DPP10: variants seen among roughly 807,000 people sequenced by gnomAD.
DPP10 encodes the protein inactive dipeptidyl peptidase 10.
DPP10 carries 33 observed loss-of-function variants against 120.9 expected under a neutral mutation model. The ratio of observed to expected loss-of-function variants is 0.27; its 90% CI spans 0.21 to 0.37. The LOEUF is 0.37. DPP10 is among the 10% of genes least tolerant of loss of function. DPP10 has a pLI of 1.00. For synonymous variants in DPP10, 337 were observed against 326.1 expected (o/e 1.03, Z -0.36); for missense variants, 816 against 942.8 (o/e 0.87, Z 1.76).
intron 1 of DPP10, among the ~76,000 whole-genome samples, chr2:114,876,350 T>A (rs1439607318): frequency 1.3e-5 from 2 of 152,106 alleles, no homozygotes; most frequent in Non-Finnish European, 2.9e-5. Context: ...CCATTCACAA[T>A]TTTTCCCATA....
intron 1 of DPP10, among the ~76,000 whole-genome samples, chr2:114,996,023 T>C (rs1157453922): frequency 6.6e-6 from 1 of 152,188 alleles, no homozygotes; most frequent in Non-Finnish European, 1.5e-5. Flanking sequence ...TTTGAGAAGA[T>C]TGCTCTGGCC....
rs1381632245 is a variant in DPP10 at position 114,746,228 on chromosome 2, C to T, written c.60+303390C>T. Among the ~76,000 whole-genome samples, 10 of 152,234 alleles carry T rather than the reference C, an allele frequency of 6.6e-5. 1 individual carries two copies. Among genetic ancestry groups the T allele is most frequent in the Admixed American group, 2.6e-4 (4 of 15,288 alleles). ...ATTCCCTCTTGTTTCAATCCTTACC[C>T]AAATGTCTTTTGAAATGCCAATAGA... On this transcript the variant is annotated intron_variant, in intron 1 of 25. Coordinates refer to ENST00000410059, the MANE Select transcript of DPP10 (RefSeq NM_020868.6).
At chr2:115,737,429 A>G (rs554727077) in intron 8 of DPP10, among the ~76,000 whole-genome samples, 88 of 152,278 alleles carry the variant, frequency 5.8e-4, no homozygotes, top group Middle Eastern at 3.4e-3. Flanking sequence ...AGCCCTGGAA[A>G]GAGCTGCCCT....
chr2:115,394,469 CAAA>C (rs34655384), intron 3 of DPP10, among the ~76,000 whole-genome samples: 3 of 91,130 alleles, frequency 3.3e-5, no homozygotes, highest in Admixed American at 1.2e-4. Context: ...TCAACCTCAC[CAAA>C]AAAAAAAAAA....
intron 1 of DPP10, among the ~76,000 whole-genome samples, chr2:114,860,237 G>T (rs1216160710): frequency 6.6e-6 from 1 of 152,106 alleles, no homozygotes; most frequent in Non-Finnish European, 1.5e-5. Context: ...GCTCTAACAT[G>T]GAATTTTCAC....
chr2:114,964,515 A>T (rs1698866633), intron 1 of DPP10, among the ~76,000 whole-genome samples: 1 of 152,120 alleles, frequency 6.6e-6, no homozygotes, highest in Non-Finnish European at 1.5e-5. Context: ...CGAGAAAGTG[A>T]CATTTTATGC....
intron 1 of DPP10, among the ~76,000 whole-genome samples, chr2:114,529,930 G>T (rs1000480425): frequency 8.5e-5 from 13 of 152,124 alleles, no homozygotes; most frequent in Non-Finnish European, 1.6e-4. Context: ...TTACAAGTGA[G>T]AACATGTGGT....
At chr2:115,323,612 T>A (rs1486104069) in intron 2 of DPP10, among the ~76,000 whole-genome samples, 1 of 152,200 alleles carries the variant, frequency 6.6e-6, no homozygotes, top group Non-Finnish European at 1.5e-5. Context: ...CCTTATCAAA[T>A]GTAATTCTTA....
chr2:115,582,449 A>T (rs2082053349), intron 5 of DPP10, among the ~76,000 whole-genome samples: 2 of 152,128 alleles, frequency 1.3e-5, no homozygotes, highest in African/African-American at 4.8e-5. Context: ...ATCTATTGGG[A>T]GACTGCCTTT....
chr2:115,836,839 C>T (rs1689590079), intron 24 of DPP10, 93 bp downstream of exon 24: 1 of 1,158,352 alleles, frequency 8.6e-7, no homozygotes, highest in African/African-American at 1.6e-5. Context: ...CCCTGTAAAC[C>T]TTCTGAAGAA....
chr2:115,379,739 T>G (rs2066142945), intron 3 of DPP10, among the ~76,000 whole-genome samples: 1 of 152,162 alleles, frequency 6.6e-6, no homozygotes, highest in Non-Finnish European at 1.5e-5. Flanking sequence ...TCCCAGAGAT[T>G]CTGGTATGTT....
chr2:114,834,780 A>AT, intron 1 of DPP10, among the ~76,000 whole-genome samples: 1 of 147,236 alleles, frequency 6.8e-6, no homozygotes, highest in Non-Finnish European at 1.5e-5. Context: ...ATGTATATAT[A>AT]AGCCATGTCT....
intron 5 of DPP10, among the ~76,000 whole-genome samples, chr2:115,626,064 A>G (rs2085333761): frequency 6.6e-6 from 1 of 151,528 alleles, no homozygotes; most frequent in Admixed American, 6.6e-5. Flanking sequence ...AAACAGAAGT[A>G]TAAACAGAAA....
At chr2:114,882,028 T>C (rs1042779169) in intron 1 of DPP10, among the ~76,000 whole-genome samples, 7 of 152,184 alleles carry the variant, frequency 4.6e-5, no homozygotes, top group African/African-American at 1.7e-4. Flanking sequence ...TGTGTTTATA[T>C]GCATGTTTGT....
intron 1 of DPP10, among the ~76,000 whole-genome samples, chr2:114,653,785 C>T (rs1696783316): frequency 6.6e-6 from 1 of 152,098 alleles, no homozygotes; most frequent in South Asian, 2.1e-4. Flanking sequence ...AGGGTTGCAG[C>T]CAAAGTCTTT....
chr2:115,741,177 T>C (rs1405915323), intron 9 of DPP10, among the ~76,000 whole-genome samples: 23 of 152,132 alleles, frequency 1.5e-4, no homozygotes, highest in Non-Finnish European at 1.5e-5. Context: ...AATGAGCATA[T>C]TCCTCAGTGA....
intron 1 of DPP10, among the ~76,000 whole-genome samples, chr2:114,617,135 G>GA (rs1174413915): frequency 6.6e-6 from 1 of 151,988 alleles, no homozygotes; most frequent in African/African-American, 2.4e-5. Flanking sequence ...CAAAGGAGTG[G>GA]AAAAAACCAT....
intron 5 of DPP10, among the ~76,000 whole-genome samples, chr2:115,604,729 A>G (rs989399345): frequency 1.3e-5 from 2 of 152,120 alleles, no homozygotes; most frequent in African/African-American, 4.8e-5. Context: ...GTTTTCTAAC[A>G]TCGACAGTAT....
intron 1 of DPP10, among the ~76,000 whole-genome samples, chr2:115,032,205 T>A (rs1703890737): frequency 1.4e-5 from 2 of 146,592 alleles, no homozygotes; most frequent in East Asian, 4.0e-4. Flanking sequence ...TTTTTTTTCT[T>A]ACCAAAATGC....
Sources: gnomAD v4.1 joint callset for allele counts (sites outside exome capture counted in the v4.1 genomes callset) on GRCh38, gnomAD v4.1.1 for gene constraint, MANE v1.5 for transcripts, NCBI Gene and HGNC (gene_info 2026-07-23, HGNC 2026-07-21) for gene names.